Variants in LMNTD1 observed in about 807,000 individuals in gnomAD.
LMNTD1 encodes the protein lamin tail domain-containing protein 1.
In LMNTD1, 35 loss-of-function variants were observed where a neutral mutation model predicts 50.9. That is an observed-to-expected ratio of 0.69 (90% CI 0.53 to 0.91). The LOEUF (loss-of-function observed/expected upper bound fraction) is 0.91, where lower values mean the gene tolerates loss of function less well. LMNTD1 is among the 40% of genes least tolerant of loss of function. The probability of loss-of-function intolerance (pLI) is 0.00; values close to 1 mark genes in which losing one functional copy is unlikely to be tolerated. For missense variants in LMNTD1, 470 were observed against 475.5 expected (o/e 0.99, Z 0.11); for synonymous variants, 153 against 161.9 (o/e 0.94, Z 0.42).
upstream of LMNTD1, among the ~76,000 whole-genome samples, chr12:25,557,649 A>G (rs1242305957): frequency 3.3e-5 from 5 of 152,196 alleles, no homozygotes; most frequent in Non-Finnish European, 5.9e-5. Context: ...GCAGAACACT[A>G]TATTCTGTAT....
chr12:25,502,155 C>T (rs1344518350), intron 9 of LMNTD1, among the ~76,000 whole-genome samples: 1 of 152,044 alleles, frequency 6.6e-6, no homozygotes, highest in Non-Finnish European at 1.5e-5. Flanking sequence ...GGCTAAAAAC[C>T]TCTGCCAAAT....
At position 25,517,271 on chromosome 12, in the gene LMNTD1, G is replaced by A. The variant is rs1199888786; in HGVS notation, c.1189+1524C>T. 1.2e-4 allele frequency among the ~76,000 whole-genome samples: 7 copies of A among 59,484 alleles called. 2 individuals are homozygous for A. The South Asian group carries it at 1.8e-3, about 16-fold the overall frequency. 39.0% of individuals were successfully genotyped at this position (59,484 alleles called of 152,430 possible). ...ACACATGCACACATATGTTTATTGC[G>A]GCACTATTCACAATAGCAAAGACTT... is the stretch of plus-strand genomic sequence containing the variant. On this transcript the variant is annotated intron_variant, in intron 8 of 9. Coordinates refer to ENST00000458174, the MANE Select transcript of LMNTD1 (RefSeq NM_001145728.2).
intron 1 of LMNTD1, among the ~76,000 whole-genome samples, chr12:25,598,435 G>T (rs1945887449): frequency 6.6e-6 from 1 of 151,708 alleles, no homozygotes; most frequent in South Asian, 2.1e-4. Flanking sequence ...GTCCAATGAT[G>T]CATCTTAAAG....
intron 1 of LMNTD1, among the ~76,000 whole-genome samples, chr12:25,629,486 A>G (rs769694458): frequency 1.3e-5 from 2 of 152,228 alleles, no homozygotes; most frequent in Non-Finnish European, 2.9e-5. Flanking sequence ...CAAGAGAAAC[A>G]ATCCAAGAGG....
At chr12:25,516,444 G>T (rs1213882258) in intron 8 of LMNTD1, among the ~76,000 whole-genome samples, 1 of 152,022 alleles carries the variant, frequency 6.6e-6, no homozygotes, top group Non-Finnish European at 1.5e-5. Context: ...AAGTTGTTCT[G>T]AATAAGTAAA....
intron 1 of LMNTD1, among the ~76,000 whole-genome samples, chr12:25,622,470 C>T (rs1016221735): frequency 5.8e-5 from 8 of 137,566 alleles, no homozygotes; most frequent in Admixed American, 4.3e-4. Flanking sequence ...TGAGCCCGCC[C>T]CCCCCCGCAA....
chr12:25,538,508 T>C lies in LMNTD1; in HGVS notation c.491+7866A>G, dbSNP rs1028761787. On this transcript the variant is annotated intron_variant, in intron 4 of 9. Transcript: ENST00000458174. ...AGTGAAGGAGAAATAAAATACTTTA[T>C]AGACAAGCAAATGCTGAGAGATTTT... Among the ~76,000 whole-genome samples, 324 of 140,734 alleles carry C rather than the reference T, an allele frequency of 2.3e-3. 2 individuals are homozygous for C. The highest frequency in any genetic ancestry group is 7.6e-3 in the African/African-American group (291 of 38,314). The allele number at this position is 140,734 out of a possible 152,430, so 92.3% of individuals were successfully genotyped here. A position where few individuals can be genotyped will look rare whatever the true frequency, so the allele number is the denominator to read the frequency against.
At chr12:25,637,236 G>A (rs1946854951) in intron 1 of LMNTD1, among the ~76,000 whole-genome samples, 1 of 152,106 alleles carries the variant, frequency 6.6e-6, no homozygotes, top group African/African-American at 2.4e-5. Flanking sequence ...TGGTGGGGAG[G>A]TGGGGAAAGA....
chr12:25,516,824 C>T (rs1678551), intron 8 of LMNTD1, among the ~76,000 whole-genome samples: 111,439 of 150,614 alleles, frequency 0.74, 42,195 homozygotes, highest in East Asian at 0.88. Flanking sequence ...AAAGGGCTAA[C>T]ATCCAGAATC....
chr12:25,537,197 T>C (rs4290329), intron 4 of LMNTD1, among the ~76,000 whole-genome samples: 1 of 152,102 alleles, frequency 6.6e-6, no homozygotes, highest in Admixed American at 6.5e-5. Context: ...CAAAGCAGCC[T>C]GGAAGCTCGA....
At chr12:25,525,699 A>T (rs1941656476) in intron 6 of LMNTD1, among the ~76,000 whole-genome samples, 2 of 152,134 alleles carry the variant, frequency 1.3e-5, no homozygotes, top group Non-Finnish European at 2.9e-5. Flanking sequence ...AGGATAAAAA[A>T]AAATCGGGTG....
intron 9 of LMNTD1, among the ~76,000 whole-genome samples, chr12:25,488,054 C>T (rs1423075925): frequency 2.0e-4 from 29 of 148,098 alleles, no homozygotes; most frequent in Admixed American, 4.1e-4. Context: ...TTCTCTCTGG[C>T]TGCCCTTAAC....
Position 25,541,095 on chromosome 12 carries a change from G to A in LMNTD1, c.491+5279C>T, listed in dbSNP as rs1391783664. 1.4e-4 allele frequency among the ~76,000 whole-genome samples: 12 copies of A among 85,648 alleles called. 1 individual carries two copies. Among genetic ancestry groups the A allele is most frequent in the African/African-American group, 2.4e-4 (7 of 29,572 alleles). The allele number at this position is 85,648 out of a possible 152,430, so 56.2% of individuals were successfully genotyped here. A position where few individuals can be genotyped will look rare whatever the true frequency, so the allele number is the denominator to read the frequency against. On this transcript the variant is annotated intron_variant, in intron 4 of 9. Transcript: ENST00000458174. ...TAAAAGAGGATACAAACAAATGGAA[G>A]AACATTCCATGCTCATGGGTAGGAA...
intron 1 of LMNTD1, among the ~76,000 whole-genome samples, chr12:25,631,948 A>G (rs1364220888): frequency 6.6e-6 from 1 of 152,210 alleles, no homozygotes; most frequent in African/African-American, 2.4e-5. Flanking sequence ...GAGAGCTTAA[A>G]GAAAAAACAA....
In LMNTD1 at chr12:25,529,461, G is replaced by T. The variant is rs559280305; in HGVS notation, c.492-2506C>A. Among the ~76,000 whole-genome samples the T allele has an allele frequency of 2.6e-5, 4 of 152,204 alleles. No individual in the cohort carries two copies. In the East Asian group the frequency reaches 7.7e-4, roughly 29 times the overall value. The stretch of plus-strand genomic sequence containing the variant: ...GTTGTAAATTTACTCTCCCAACTAG[G>T]AAACTATTCCAGTGAATTGCACCAT... On this transcript the variant is annotated intron_variant, in intron 4 of 9. Transcript: ENST00000458174.
At chr12:25,646,490 AT>A (rs1016072922) in intron 1 of LMNTD1, among the ~76,000 whole-genome samples, 6 of 150,626 alleles carry the variant, frequency 4.0e-5, no homozygotes, top group South Asian at 2.1e-4. Flanking sequence ...CCCTAGGATC[AT>A]TTTTTTTTCT....
chr12:25,583,408 A>G lies in LMNTD1; in HGVS notation c.59-36854T>C, dbSNP rs994634105. ...GGTCTTGAACTGCTGAGCTCAAGCA[A>G]TCCTCATTCCTTCTGCCTCCCATAG... On this transcript the variant is annotated intron_variant, in intron 1 of 7. Coordinates refer to the LMNTD1 transcript ENST00000445693. Among the ~76,000 whole-genome samples, 4 of 152,150 alleles carry G rather than the reference A, an allele frequency of 2.6e-5. 1 individual carries two copies. The East Asian group carries it at 7.7e-4, about 29-fold the overall frequency.
intron 1 of LMNTD1, among the ~76,000 whole-genome samples, chr12:25,599,790 A>T (rs1478902675): frequency 1.3e-5 from 2 of 152,000 alleles, no homozygotes; most frequent in African/African-American, 2.4e-5. Context: ...TGACGAAAGA[A>T]ATAGAAGTGG....
chr12:25,558,507 T>A (rs536409013), intron 1 of LMNTD1, among the ~76,000 whole-genome samples: 1 of 152,380 alleles, frequency 6.6e-6, no homozygotes, highest in East Asian at 1.9e-4. Context: ...ATTTTCTTTT[T>A]AATTTCCTCA....
Sources: gnomAD v4.1 joint callset for allele counts (sites outside exome capture counted in the v4.1 genomes callset) on GRCh38, gnomAD v4.1.1 for gene constraint, MANE v1.5 for transcripts, NCBI Gene and HGNC (gene_info 2026-07-23, HGNC 2026-07-21) for gene names.